The following RPS6KA2 variants were observed in gnomAD, a reference collection of about 807,000 sequenced individuals.
RPS6KA2 encodes ribosomal protein S6 kinase A2.
In RPS6KA2, 42 loss-of-function variants were observed where a neutral mutation model predicts 91.8. The observed-to-expected ratio is 0.46, with a 90% CI of 0.36 to 0.59. The LOEUF (loss-of-function observed/expected upper bound fraction) is 0.59, where lower values mean the gene tolerates loss of function less well. RPS6KA2 is among the 20% of genes least tolerant of loss of function. The probability of loss-of-function intolerance (pLI) is 0.00; values close to 1 mark genes in which losing one functional copy is unlikely to be tolerated. For missense variants in RPS6KA2, 798 were observed against 978.5 expected (o/e 0.82, Z 2.46); for synonymous variants, 414 against 393.6 (o/e 1.05, Z -0.61).
intron 10 of RPS6KA2, among the ~76,000 whole-genome samples, chr6:166,470,610 T>C (rs538439843): frequency 6.6e-6 from 1 of 152,134 alleles, no homozygotes; most frequent in Non-Finnish European, 1.5e-5. Context: ...GCAGCATGAT[T>C]CCCTAACGGT....
At chr6:166,701,074 G>T in intron 2 of RPS6KA2, 1 of 1,551,246 alleles carries the variant, frequency 6.4e-7, no homozygotes, top group Non-Finnish European at 8.9e-7. Context: ...CTGCCTCCGT[G>T]GTGGGCTGTT....
At chr6:166,722,498 G>A (rs546816876) in intron 2 of RPS6KA2, among the ~76,000 whole-genome samples, 2 of 152,222 alleles carry the variant, frequency 1.3e-5, no homozygotes, top group Non-Finnish European at 2.9e-5. Context: ...CCCACGCCAC[G>A]TGGAACCCAC....
intron 2 of RPS6KA2, among the ~76,000 whole-genome samples, chr6:166,708,200 T>A (rs909175085): frequency 6.6e-6 from 1 of 152,260 alleles, no homozygotes; most frequent in Non-Finnish European, 1.5e-5. Context: ...TATATTTTTG[T>A]CACTATGTAT....
At chr6:166,521,324 C>T (rs1327424248) in intron 3 of RPS6KA2, among the ~76,000 whole-genome samples, 1 of 152,228 alleles carries the variant, frequency 6.6e-6, no homozygotes, top group East Asian at 1.9e-4. Flanking sequence ...GGAGAGCCAA[C>T]CCCTGCCCTG....
intron 2 of RPS6KA2, among the ~76,000 whole-genome samples, chr6:166,744,125 C>T (rs775789217): frequency 6.6e-6 from 1 of 152,184 alleles, no homozygotes; most frequent in African/African-American, 2.4e-5. Flanking sequence ...TAAACACCCA[C>T]CCACGCTAGT....
chr6:166,846,750 A>G (rs1780615497), intron 2 of RPS6KA2, among the ~76,000 whole-genome samples: 1 of 152,186 alleles, frequency 6.6e-6, no homozygotes, highest in African/African-American at 2.4e-5. Flanking sequence ...CACAGCCAAC[A>G]TTATACTGAA....
rs979465451 is a variant in RPS6KA2, at chr6:166,448,231, T to A, written c.1332+493A>T. On this transcript the variant is annotated intron_variant, in intron 14 of 20. Transcript: ENST00000265678. The surrounding 1 kb of genome is among the most constrained non-coding windows in gnomAD (Gnocchi z 4.7). The stretch of plus-strand genomic sequence containing the variant: ...CAAGCTTATTTATTTCTTTGAGTAT[T>A]TTCTTCCTCCCTTTTTTCTTTCCTT... Among the ~76,000 whole-genome samples the A allele has an allele frequency of 6.6e-6, 1 of 152,210 alleles. No homozygotes were observed. Among genetic ancestry groups the A allele is most frequent in the Non-Finnish European group, 1.5e-5 (1 of 68,044 alleles).
chr6:166,490,454 T>A lies in RPS6KA2; in HGVS notation c.818+217A>T, dbSNP rs139419660. Among the ~76,000 whole-genome samples, 7 of 152,348 alleles carry A rather than the reference T, an allele frequency of 4.6e-5. No individual in the cohort carries two copies. The South Asian group carries it at 1.0e-3, about 23-fold the overall frequency. On this transcript the variant is annotated intron_variant, in intron 9 of 20. Transcript: ENST00000265678. This position sits in a 1 kb window ranked among gnomAD's most constrained non-coding sequence, Gnocchi z 4.2. The stretch of plus-strand genomic sequence containing the variant: ...ACCAGCAACTGCTCCCTTGACCCAC[T>A]GTCATTAGAATGCCCAGCACCCTAT...
intron 2 of RPS6KA2, among the ~76,000 whole-genome samples, chr6:166,823,144 A>G (rs1099663): frequency 0.68 from 103,520 of 152,050 alleles, 37,070 homozygotes; most frequent in Non-Finnish European, 0.8. Context: ...ACAGGGGACC[A>G]TGTTCAAGGA....
intron 3 of RPS6KA2, among the ~76,000 whole-genome samples, chr6:166,515,631 ACTACC>A (rs111492326): frequency 0.13 from 19,281 of 152,056 alleles, 4,135 homozygotes; most frequent in African/African-American, 0.44. Context: ...TCTTGTATCT[ACTACC>A]CTGGCTCTGC....
intron 2 of RPS6KA2, among the ~76,000 whole-genome samples, chr6:166,851,941 T>C (rs1481466895): frequency 6.6e-6 from 1 of 152,238 alleles, no homozygotes; most frequent in East Asian, 1.9e-4. Context: ...TCAAATGATA[T>C]GCTGTCCCAA....
intron 2 of RPS6KA2, among the ~76,000 whole-genome samples, chr6:166,851,972 G>T (rs991907333): frequency 6.6e-6 from 1 of 152,062 alleles, no homozygotes; most frequent in East Asian, 1.9e-4. Context: ...AAAATCATAC[G>T]TTTTTCTTCT....
intron 1 of RPS6KA2, chr6:166,862,026 T>A (rs1781057831): frequency 6.4e-7 from 1 of 1,564,868 alleles, no homozygotes; most frequent in Non-Finnish European, 8.8e-7. Context: ...CATGAACTGA[T>A]TATAGTAAAT....
chr6:166,546,649 T>C (rs1783837216), intron 1 of RPS6KA2, among the ~76,000 whole-genome samples: 1 of 152,164 alleles, frequency 6.6e-6, no homozygotes, highest in Non-Finnish European at 1.5e-5. Context: ...GTGAGACCTA[T>C]TGGGATAAAT....
At chr6:166,583,921 T>C (rs1785094996) in intron 1 of RPS6KA2, among the ~76,000 whole-genome samples, 1 of 152,208 alleles carries the variant, frequency 6.6e-6, no homozygotes, top group South Asian at 2.1e-4. Flanking sequence ...CTCAAGTAAT[T>C]TCATCACCTT....
chr6:166,532,257 G>A lies in RPS6KA2; in HGVS notation c.217-944C>T, dbSNP rs370277099. On this transcript the variant is annotated intron_variant, in intron 2 of 20. Coordinates refer to ENST00000265678, the MANE Select transcript of RPS6KA2 (RefSeq NM_021135.6). ...CCCAAGTGAGCATCCGTGTGGAGCA[G>A]CAGCCTCACCTGCCATGGGCAGAGG... Among the ~76,000 whole-genome samples, 749 of 152,324 alleles carry A rather than the reference G, an allele frequency of 4.9e-3. 4 individuals are homozygous for A. The highest frequency in any genetic ancestry group is 8.4e-3 in the Non-Finnish European group (569 of 68,030).
chr6:166,619,403 G>A (rs534262706), intron 1 of RPS6KA2, among the ~76,000 whole-genome samples: 26 of 152,330 alleles, frequency 1.7e-4, no homozygotes, highest in African/African-American at 2.2e-4. Flanking sequence ...TCTTTCCTTC[G>A]CTATGTTCAA....
At chr6:166,516,015 A>C (rs1382808127) in intron 3 of RPS6KA2, among the ~76,000 whole-genome samples, 1 of 152,216 alleles carries the variant, frequency 6.6e-6, no homozygotes, top group African/African-American at 2.4e-5. Flanking sequence ...AATGTTCATC[A>C]TACATATGTT....
chr6:166,611,639 T>G (rs1371210172), intron 1 of RPS6KA2, among the ~76,000 whole-genome samples: 1 of 152,226 alleles, frequency 6.6e-6, no homozygotes, highest in Non-Finnish European at 1.5e-5. Context: ...AACTGAAATA[T>G]CTCAAGGTAA....
Sources: allele counts gnomAD v4.1 joint callset (sites outside exome capture counted in the v4.1 genomes callset), GRCh38; gene constraint gnomAD v4.1.1; non-coding constraint Gnocchi (gnomAD v3.1); transcripts MANE v1.5; gene names NCBI Gene and HGNC (gene_info 2026-07-23, HGNC 2026-07-21).